Variants in UGT1A8 observed in about 807,000 individuals in gnomAD.
UGT1A8 encodes the protein UDP-glucuronosyltransferase 1A8.
In UGT1A8, 39 loss-of-function variants were observed where a neutral mutation model predicts 45.3. The ratio of observed to expected loss-of-function variants is 0.86; its 90% CI spans 0.67 to 1.12. The LOEUF (loss-of-function observed/expected upper bound fraction) is 1.12. UGT1A8 is among the 50% of genes most tolerant of loss of function. The probability of loss-of-function intolerance (pLI) is 0.00; values close to 1 mark genes in which losing one functional copy is unlikely to be tolerated. For synonymous variants in UGT1A8, 275 were observed against 249.2 expected (o/e 1.10, Z -0.97); for missense variants, 719 against 664.9 (o/e 1.08, Z -0.90).
At chr2:233,713,542 G>A (rs2076328478) in intron 1 of UGT1A8, 3 of 1,613,882 alleles carry the variant, frequency 1.9e-6, no homozygotes, top group African/African-American at 2.7e-5. Flanking sequence ...GACTTTAAGG[G>A]CACACAGTGT....
At chr2:233,724,792 G>A (rs992945436) in intron 1 of UGT1A8, among the ~76,000 whole-genome samples, 1 of 140,672 alleles carries the variant, frequency 7.1e-6, no homozygotes, top group Non-Finnish European at 1.5e-5. Flanking sequence ...CTTCCCAGAC[G>A]GGGTGGCGGC....
intron 1 of UGT1A8, among the ~76,000 whole-genome samples, chr2:233,682,969 C>G (rs943509920): frequency 1.8e-4 from 27 of 152,054 alleles, no homozygotes; most frequent in Admixed American, 1.2e-3. Flanking sequence ...TAAAGCAGCT[C>G]TTGTTGATAT....
At chr2:233,658,166 A>C (rs1002660804) in intron 1 of UGT1A8, among the ~76,000 whole-genome samples, 3 of 151,830 alleles carry the variant, frequency 2.0e-5, no homozygotes, top group Non-Finnish European at 2.9e-5. Flanking sequence ...TTACAGGTGC[A>C]CACCACCATG....
At chr2:233,692,979 C>T (rs2075124196) in intron 1 of UGT1A8, 1 of 1,612,844 alleles carries the variant, frequency 6.2e-7, no homozygotes, top group Admixed American at 1.7e-5. Flanking sequence ...CTCTTTATTA[C>T]CGTTGTTACT....
At chr2:233,713,270 G>T (rs199541495) in intron 1 of UGT1A8, 1 of 1,614,244 alleles carries the variant, frequency 6.2e-7, no homozygotes, top group East Asian at 2.2e-5. Context: ...ATCGCCTTTT[G>T]CTGGGTCACA....
chr2:233,674,105 G>A (rs2074273662), intron 1 of UGT1A8, among the ~76,000 whole-genome samples: 1 of 152,152 alleles, frequency 6.6e-6, no homozygotes, highest in South Asian at 2.1e-4. Context: ...GAGGGATGGA[G>A]TATACAATTT....
chr2:233,674,488 CT>C (rs1376155466), intron 1 of UGT1A8, among the ~76,000 whole-genome samples: 6 of 152,294 alleles, frequency 3.9e-5, no homozygotes, highest in Non-Finnish European at 8.8e-5. Context: ...CTGCCACTTC[CT>C]GAACCCACAC....
At chr2:233,743,706 C>G in intron 1 of UGT1A8, 1 of 1,367,368 alleles carries the variant, frequency 7.3e-7, no homozygotes, top group Non-Finnish European at 9.8e-7. Context: ...TCCGCCCCCG[C>G]CTCGCCATAG....
At chr2:233,760,105 A>G in intron 1 of UGT1A8, 1 of 1,175,844 alleles carries the variant, frequency 8.5e-7, no homozygotes, top group Non-Finnish European at 1.2e-6. Context: ...TTGCCTATTA[A>G]GAAACCTAAT....
intron 1 of UGT1A8, among the ~76,000 whole-genome samples, chr2:233,721,360 G>T (rs1478965669): frequency 6.6e-6 from 1 of 152,144 alleles, no homozygotes; most frequent in Non-Finnish European, 1.5e-5. Context: ...AGACTGAACT[G>T]CACTGGCTCA....
At chr2:233,632,430 C>A (rs1230469771) in intron 1 of UGT1A8, among the ~76,000 whole-genome samples, 3 of 152,066 alleles carry the variant, frequency 2.0e-5, no homozygotes, top group Admixed American at 2.0e-4. Flanking sequence ...TTCAGCAGTA[C>A]GGCCATTTTC....
At chr2:233,634,047 T>C (rs1367836620) in intron 1 of UGT1A8, among the ~76,000 whole-genome samples, 1 of 152,234 alleles carries the variant, frequency 6.6e-6, no homozygotes, top group African/African-American at 2.4e-5. Flanking sequence ...TATTTATTTC[T>C]GCCTTAATTT....
In UGT1A8 at chr2:233,719,145, A is replaced by G. The variant is rs539093785; in HGVS notation, c.856-47889A>G. On this transcript the variant is annotated intron_variant, in intron 1 of 4. Transcript: ENST00000373450. ...CTTTGAAACAGAACATCTTCTGAAG[A>G]GATATTCTAGAAGTATGGCAATTAT... The G allele has an allele frequency of 3.7e-5, 59 of 1,614,252 alleles. No homozygotes were observed. In the East Asian group the frequency reaches 9.8e-4, roughly 27 times the overall value.
chr2:233,657,854 C>T (rs1050052578), intron 1 of UGT1A8, among the ~76,000 whole-genome samples: 4 of 152,044 alleles, frequency 2.6e-5, no homozygotes, highest in African/African-American at 9.7e-5. Context: ...GTTTTCTCTT[C>T]ATTATTGAGG....
In UGT1A8 at chr2:233,772,793, T is replaced by C. The variant is rs532329443; in HGVS notation, c.*234T>C. 4.9e-6 allele frequency: 6 copies of C among 1,212,356 alleles called. No individual in the cohort carries two copies. The African/African-American group carries it at 9.2e-5, about 19-fold the overall frequency. 75.1% of individuals were successfully genotyped at this position (1,212,356 alleles called of 1,614,324 possible). ...TCTGGTGTCTTTGATCAGGATGACA[T>C]GTGCCATTTTTCAGAGGACGTGCAG... On this transcript the variant is annotated 3_prime_UTR_variant, in exon 5 of 5. Transcript: ENST00000373450.
At position 233,719,059 on chromosome 2, in the gene UGT1A8, A is replaced by G. The variant is rs747301276; in HGVS notation, c.856-47975A>G. The G allele has an allele frequency of 3.7e-6, 6 of 1,614,138 alleles. No individual in the cohort carries two copies. In the South Asian group the frequency reaches 4.4e-5, roughly 12 times the overall value. On this transcript the variant is annotated intron_variant, in intron 1 of 4. Transcript: ENST00000373450. Reference sequence around the variant, plus strand: ...GAGAAATTTTTCACCCTGACAGCCTATGCTGTTCCATGGACCCAGAAGGAA... The same window carrying G: ...GAGAAATTTTTCACCCTGACAGCCTGTGCTGTTCCATGGACCCAGAAGGAA...
At chr2:233,768,527 T>C in intron 4 of UGT1A8, 88 bp downstream of exon 4, 2 of 1,515,488 alleles carry the variant, frequency 1.3e-6, no homozygotes, top group South Asian at 2.6e-5. Context: ...TAGCATTTAA[T>C]AGCGTTGTTT....
chr2:233,681,219 C>T (rs2074514463), intron 1 of UGT1A8, among the ~76,000 whole-genome samples: 1 of 151,902 alleles, frequency 6.6e-6, no homozygotes, highest in Non-Finnish European at 1.5e-5. Flanking sequence ...TCTTTCTGGG[C>T]AGAGGACAAA....
At chr2:233,737,433 A>G (rs1419343847) in intron 1 of UGT1A8, among the ~76,000 whole-genome samples, 1 of 152,146 alleles carries the variant, frequency 6.6e-6, no homozygotes, top group Non-Finnish European at 1.5e-5. Context: ...TTTGGGTGGG[A>G]GTGTCCCGTT....
Sources: gnomAD v4.1 joint callset for allele counts (sites outside exome capture counted in the v4.1 genomes callset) on GRCh38, gnomAD v4.1.1 for gene constraint, MANE v1.5 for transcripts, NCBI Gene and HGNC (gene_info 2026-07-23, HGNC 2026-07-21) for gene names.